The following HIBADH variants were observed in gnomAD, a reference collection of about 807,000 sequenced individuals.
HIBADH encodes 3-hydroxyisobutyrate dehydrogenase.
In HIBADH, 25 loss-of-function variants were observed where a neutral mutation model predicts 36.1. The ratio of observed to expected loss-of-function variants is 0.69; its 90% CI spans 0.50 to 0.97. The LOEUF is 0.97. Among genes scored for constraint, HIBADH ranks in the 50% least tolerant of loss-of-function variants. The pLI is 0.00. For missense variants in HIBADH, 421 were observed against 418.0 expected (o/e 1.01, Z -0.06); for synonymous variants, 160 against 149.5 (o/e 1.07, Z -0.51).
At chr7:27,605,123 T>G (rs566320402) in intron 4 of HIBADH, among the ~76,000 whole-genome samples, 7 of 152,268 alleles carry the variant, frequency 4.6e-5, no homozygotes, top group African/African-American at 1.7e-4. Flanking sequence ...TGCTACAGTT[T>G]ATTAACTTAT....
At chr7:27,657,941 TAATAAG>T (rs1196998340) in intron 1 of HIBADH, among the ~76,000 whole-genome samples, 1 of 152,186 alleles carries the variant, frequency 6.6e-6, no homozygotes, top group African/African-American at 2.4e-5. Flanking sequence ...ACACGATTGA[TAATAAG>T]TATTAGTTAC....
intron 4 of HIBADH, among the ~76,000 whole-genome samples, chr7:27,560,627 A>T (rs1362625930): frequency 6.6e-6 from 1 of 152,184 alleles, no homozygotes; most frequent in African/African-American, 2.4e-5. Flanking sequence ...GGTATTTCTT[A>T]AAAAGAGCAA....
chr7:27,599,482 A>ACGTCT (rs1428128281), intron 4 of HIBADH, among the ~76,000 whole-genome samples: 1 of 151,960 alleles, frequency 6.6e-6, no homozygotes, highest in Non-Finnish European at 1.5e-5. Context: ...GGAGATCGAG[A>ACGTCT]CGATCCTGGC....
intron 4 of HIBADH, among the ~76,000 whole-genome samples, chr7:27,552,256 A>T (rs537994640): frequency 8.2e-4 from 125 of 152,298 alleles, no homozygotes; most frequent in Middle Eastern, 3.4e-3. Flanking sequence ...GACACAGATG[A>T]ATGGCTTTGC....
chr7:27,553,728 T>TA (rs1784352911), intron 4 of HIBADH, among the ~76,000 whole-genome samples: 1 of 152,228 alleles, frequency 6.6e-6, no homozygotes, highest in African/African-American at 2.4e-5. Flanking sequence ...AATAAAACAC[T>TA]AAACTCCTGA....
At chr7:27,658,045 G>A (rs899287427) in intron 1 of HIBADH, among the ~76,000 whole-genome samples, 4 of 152,146 alleles carry the variant, frequency 2.6e-5, no homozygotes, top group Non-Finnish European at 4.4e-5. Context: ...AAGAGCCAAA[G>A]AGATAGAAAA....
chr7:27,655,211 T>C (rs776409549), intron 1 of HIBADH, among the ~76,000 whole-genome samples: 3 of 151,902 alleles, frequency 2.0e-5, no homozygotes, highest in Non-Finnish European at 4.4e-5. Flanking sequence ...ATCCTGACTT[T>C]AAAAAAAAGC....
At chr7:27,537,341 C>A (rs1450439990) in intron 6 of HIBADH, among the ~76,000 whole-genome samples, 3 of 152,072 alleles carry the variant, frequency 2.0e-5, no homozygotes, top group Non-Finnish European at 2.9e-5. Flanking sequence ...AAGGGCAATT[C>A]AATAAAACAA....
At chr7:27,660,665 A>G (rs1417957949) in intron 1 of HIBADH, among the ~76,000 whole-genome samples, 1 of 95,612 alleles carries the variant, frequency 1.0e-5, no homozygotes, top group African/African-American at 5.4e-5. Flanking sequence ...ACTCCGAGGG[A>G]AAAAAAAAAA....
chr7:27,657,787 G>A (rs62454913), intron 1 of HIBADH, among the ~76,000 whole-genome samples: 14,149 of 152,142 alleles, frequency 0.093, 921 homozygotes, highest in Non-Finnish European at 0.14. Context: ...ATCCTGATAA[G>A]TTCACTTCTT....
At position 27,531,053 on chromosome 7, in the gene HIBADH, T is replaced by G; in HGVS notation, c.852+139A>C. 3 of 818,162 alleles carry G rather than the reference T, an allele frequency of 3.7e-6. No homozygotes were observed. The South Asian group carries it at 6.0e-5, about 16-fold the overall frequency. 50.7% of individuals were successfully genotyped at this position (818,162 alleles called of 1,614,324 possible). ...ATTTTCATCTAAGTTAGGTTTTTAC[T>G]CATTTTCAGTGAGAGTGAATATTCT... On this transcript the variant is annotated intron_variant, in intron 7 of 7. Transcript: ENST00000265395.
intron 4 of HIBADH, among the ~76,000 whole-genome samples, chr7:27,587,688 G>A (rs183736814): frequency 5.0e-4 from 76 of 152,172 alleles, no homozygotes; most frequent in Middle Eastern, 3.4e-3. Flanking sequence ...AGGAGGTTTC[G>A]TTCTTTTTCA....
At chr7:27,649,901 C>T (rs886391037) in intron 1 of HIBADH, among the ~76,000 whole-genome samples, 1 of 151,226 alleles carries the variant, frequency 6.6e-6, no homozygotes, top group African/African-American at 2.4e-5. Context: ...AAAAAAAAAC[C>T]CACTAACTTT....
intron 4 of HIBADH, among the ~76,000 whole-genome samples, chr7:27,581,683 T>C (rs770853287): frequency 6.6e-6 from 1 of 152,176 alleles, no homozygotes; most frequent in Non-Finnish European, 1.5e-5. Context: ...TATATACTTA[T>C]CGCTTTTTCT....
intron 1 of HIBADH, among the ~76,000 whole-genome samples, chr7:27,652,069 G>A (rs1204845710): frequency 1.3e-5 from 2 of 152,194 alleles, no homozygotes; most frequent in African/African-American, 4.8e-5. Flanking sequence ...CTACATGCCA[G>A]ACACTATGCT....
chr7:27,607,492 G>C (rs766379760), intron 4 of HIBADH, among the ~76,000 whole-genome samples: 3 of 152,030 alleles, frequency 2.0e-5, no homozygotes, highest in Non-Finnish European at 4.4e-5. Flanking sequence ...CTGGGCAGCA[G>C]ACCAAGACTT....
chr7:27,623,618 GAGA>G (rs941731289), intron 4 of HIBADH, among the ~76,000 whole-genome samples: 11 of 152,032 alleles, frequency 7.2e-5, no homozygotes, highest in South Asian at 2.1e-4. Flanking sequence ...TGATCTAGCC[GAGA>G]AGAACATCAA....
At chr7:27,610,478 C>A (rs1785304010) in intron 4 of HIBADH, among the ~76,000 whole-genome samples, 1 of 152,134 alleles carries the variant, frequency 6.6e-6, no homozygotes, top group Non-Finnish European at 1.5e-5. Context: ...ACTACAGGCA[C>A]TATGTTATAC....
intron 4 of HIBADH, among the ~76,000 whole-genome samples, chr7:27,614,310 C>T (rs1785389111): frequency 6.6e-6 from 1 of 152,156 alleles, no homozygotes; most frequent in African/African-American, 2.4e-5. Context: ...ATAGTATATG[C>T]CTGCTACCTG....
Sources: gnomAD v4.1 joint callset for allele counts (sites outside exome capture counted in the v4.1 genomes callset) on GRCh38, gnomAD v4.1.1 for gene constraint, MANE v1.5 for transcripts, NCBI Gene and HGNC (gene_info 2026-07-23, HGNC 2026-07-21) for gene names.